FLI1: variants seen among roughly 807,000 people sequenced by gnomAD.
FLI1 encodes Fli-1 proto-oncogene, ETS transcription factor.
FLI1 carries 13 observed loss-of-function variants against 53.1 expected under a neutral mutation model. The ratio of observed to expected loss-of-function variants is 0.24; its 90% CI spans 0.16 to 0.39. The LOEUF (loss-of-function observed/expected upper bound fraction) is 0.39. Ranked by LOEUF, FLI1 falls within the 10% of genes least tolerant of loss-of-function variation. The probability of loss-of-function intolerance (pLI) is 1.00; values close to 1 mark genes in which losing one functional copy is unlikely to be tolerated. For synonymous variants in FLI1, 244 were observed against 236.7 expected (o/e 1.03, Z -0.28); for missense variants, 424 against 600.5 (o/e 0.71, Z 3.07).
At chr11:128,724,233 C>T (rs1278395507) in intron 1 of FLI1, among the ~76,000 whole-genome samples, 2 of 152,182 alleles carry the variant, frequency 1.3e-5, no homozygotes, top group Admixed American at 1.3e-4. Context: ...GCATGAGCCA[C>T]CGTGCCTGGC....
At chr11:128,699,535 C>T (rs1255381304) in intron 1 of FLI1, among the ~76,000 whole-genome samples, 1 of 152,188 alleles carries the variant, frequency 6.6e-6, no homozygotes. Context: ...TTCGTAATCT[C>T]AGAGTTATAC....
intron 1 of FLI1, among the ~76,000 whole-genome samples, chr11:128,714,670 T>C (rs1226823606): frequency 6.6e-6 from 1 of 151,910 alleles, no homozygotes; most frequent in Non-Finnish European, 1.5e-5. Flanking sequence ...TACTGAGTAG[T>C]TACTGATGAG....
At chr11:128,694,768 G>A (rs1937963603) in intron 1 of FLI1, among the ~76,000 whole-genome samples, 1 of 152,192 alleles carries the variant, frequency 6.6e-6, no homozygotes, top group African/African-American at 2.4e-5. Flanking sequence ...TGGGTAAGTG[G>A]CCTCGTTGCA....
At chr11:128,734,629 T>C (rs1410974392) in intron 1 of FLI1, among the ~76,000 whole-genome samples, 3 of 152,238 alleles carry the variant, frequency 2.0e-5, no homozygotes, top group Non-Finnish European at 4.4e-5. Flanking sequence ...CACTTGCTCT[T>C]GGTGGCCAGT....
chr11:128,765,049 C>T (rs1941280683), intron 2 of FLI1, among the ~76,000 whole-genome samples: 1 of 144,096 alleles, frequency 6.9e-6, no homozygotes, highest in South Asian at 2.4e-4. Flanking sequence ...GTGCACAGGG[C>T]CGGGGGAGGG....
intron 1 of FLI1, among the ~76,000 whole-genome samples, chr11:128,751,830 G>GTT (rs1160739913): frequency 0.025 from 3,344 of 133,442 alleles, 222 homozygotes; most frequent in African/African-American, 0.087. Flanking sequence ...TTTTGGGTTT[G>GTT]TTTTTTTTTT....
chr11:128,789,651 C>G (rs1263864592), intron 5 of FLI1, among the ~76,000 whole-genome samples: 4 of 152,188 alleles, frequency 2.6e-5, no homozygotes, highest in Admixed American at 2.6e-4. Flanking sequence ...GATGCGCTCC[C>G]GGGTGCAGTA....
chr11:128,688,092 T>C (rs1337358957), intron 1 of FLI1, among the ~76,000 whole-genome samples: 1 of 152,138 alleles, frequency 6.6e-6, no homozygotes, highest in African/African-American at 2.4e-5. Context: ...CTCTCACTTC[T>C]AGCTCTGCAC....
At chr11:128,787,149 A>G (rs1591812924) in intron 5 of FLI1, among the ~76,000 whole-genome samples, 1 of 152,198 alleles carries the variant, frequency 6.6e-6, no homozygotes, top group Non-Finnish European at 1.5e-5. Flanking sequence ...GCTTCTCTCC[A>G]GGAGAGTCCT....
chr11:128,773,582 CGAGCTTAAGAAAGAA>C (rs1035529990), intron 4 of FLI1, among the ~76,000 whole-genome samples: 4 of 148,522 alleles, frequency 2.7e-5, no homozygotes, highest in Non-Finnish European at 5.9e-5. Flanking sequence ...TTGGAAAGGG[CGAGCTTAAGAAAGAA>C]AGCAGGCAGT....
chr11:128,778,275 C>A (rs1205232405), intron 4 of FLI1, among the ~76,000 whole-genome samples: 1 of 152,120 alleles, frequency 6.6e-6, no homozygotes, highest in Non-Finnish European at 1.5e-5. Context: ...CTACGTGAGA[C>A]ATTATCGTGA....
At chr11:128,771,533 G>A (rs577714372) in intron 3 of FLI1, among the ~76,000 whole-genome samples, 1 of 152,238 alleles carries the variant, frequency 6.6e-6, no homozygotes, top group Non-Finnish European at 1.5e-5. Context: ...TCCACTCCTA[G>A]TCATTCAATC....
chr11:128,794,010 T>C (rs558043381), intron 5 of FLI1, among the ~76,000 whole-genome samples: 2 of 152,312 alleles, frequency 1.3e-5, no homozygotes, highest in East Asian at 3.9e-4. Context: ...TCACATCCAC[T>C]GGGTGGGCCG....
intron 4 of FLI1, among the ~76,000 whole-genome samples, chr11:128,780,432 C>T (rs1387102112): frequency 6.6e-6 from 1 of 152,150 alleles, no homozygotes; most frequent in Admixed American, 6.5e-5. Flanking sequence ...CCCGTCTCTA[C>T]TAAAAATACA....
At chr11:128,771,486 C>T (rs1350008791) in intron 3 of FLI1, among the ~76,000 whole-genome samples, 1 of 152,230 alleles carries the variant, frequency 6.6e-6, no homozygotes, top group Non-Finnish European at 1.5e-5. Context: ...CTCTGGCTGC[C>T]CAGCTGTGAA....
intron 1 of FLI1, among the ~76,000 whole-genome samples, chr11:128,750,366 T>C (rs1335505907): frequency 5.9e-5 from 9 of 152,332 alleles, no homozygotes; most frequent in Middle Eastern, 3.4e-3. Flanking sequence ...TCAGGCCCCA[T>C]GTCTTGGGTC....
intron 1 of FLI1, among the ~76,000 whole-genome samples, chr11:128,743,661 C>T (rs1940240803): frequency 1.3e-5 from 2 of 152,290 alleles, no homozygotes; most frequent in Non-Finnish European, 2.9e-5. Context: ...GCAAGGTTGG[C>T]ACCTCCAGAA....
At chr11:128,772,528 C>T (rs1305597024) in intron 3 of FLI1, among the ~76,000 whole-genome samples, 3 of 152,124 alleles carry the variant, frequency 2.0e-5, no homozygotes, top group Non-Finnish European at 4.4e-5. Context: ...AACTGCTCTC[C>T]AAAACTTTAA....
chr11:128,792,485 C>A (rs1237796532), intron 5 of FLI1, among the ~76,000 whole-genome samples: 2 of 152,166 alleles, frequency 1.3e-5, no homozygotes, highest in African/African-American at 4.8e-5. Flanking sequence ...AATGGAGCTG[C>A]AAAGTATATA....
Sources: gnomAD v4.1 joint callset for allele counts (sites outside exome capture counted in the v4.1 genomes callset) on GRCh38, gnomAD v4.1.1 for gene constraint, MANE v1.5 for transcripts, NCBI Gene and HGNC (gene_info 2026-07-23, HGNC 2026-07-21) for gene names.